The following PADI3 variants were observed in gnomAD, a reference collection of about 807,000 sequenced individuals.
PADI3 encodes the protein protein-arginine deiminase type-3.
PADI3 carries 53 observed loss-of-function variants against 71.5 expected under a neutral mutation model. The ratio of observed to expected loss-of-function variants is 0.74; its 90% confidence interval spans 0.59 to 0.93. The LOEUF (loss-of-function observed/expected upper bound fraction) is 0.93, where lower values mean the gene tolerates loss of function less well. Among genes scored for constraint, PADI3 ranks in the 40% least tolerant of loss-of-function variants. The pLI, the probability that PADI3 is intolerant of heterozygous loss-of-function variation, is 0.00. For missense variants in PADI3, 821 were observed against 868.0 expected, an observed-to-expected ratio of 0.95 and a Z score of 0.68; for synonymous variants, 361 against 347.5, an observed-to-expected ratio of 1.04 and a Z score of -0.43.
At chr1:17,262,084 G>T (rs768038339) in intron 2 of PADI3, 49 bp from the exon 3 acceptor site, 6 of 1,538,004 alleles carry the variant, frequency 3.9e-6, no homozygotes, top group Middle Eastern at 1.7e-4. Flanking sequence ...CTTTTGGGGC[G>T]GGAGCTCTTG....
chr1:17,256,762 C>T lies in PADI3; in HGVS notation c.93-2816C>T, dbSNP rs144311747. ...AAAAAGTGTACAGGCTTCAGCCAGGCGCGGTGGCTCGCGCCTGTAATCCCA... is the reference window on the plus strand; with the variant it reads ...AAAAAGTGTACAGGCTTCAGCCAGGTGCGGTGGCTCGCGCCTGTAATCCCA... On this transcript the variant is annotated intron_variant, in intron 1 of 15. Coordinates refer to ENST00000375460, the MANE Select transcript of PADI3 (RefSeq NM_016233.2). Among the ~76,000 whole-genome samples the T allele has an allele frequency of 3.0e-3, 450 of 152,286 alleles. 3 individuals carry two copies. The highest frequency in any genetic ancestry group is 7.5e-3 in the South Asian group (36 of 4,826).
chr1:17,262,352 G>T (rs985323632), intron 3 of PADI3, 147 bp downstream of exon 3: 1 of 605,110 alleles, frequency 1.7e-6, no homozygotes, highest in Non-Finnish European at 2.8e-6. Context: ...CTAGAGATAC[G>T]CTGTGCTTAT....
chr1:17,259,438 C>G, intron 1 of PADI3, 140 bp from the exon 2 acceptor site: 1 of 672,158 alleles, frequency 1.5e-6, no homozygotes, highest in Non-Finnish European at 2.5e-6. Flanking sequence ...GCTTGACTCG[C>G]AGGAGCTTAC....
chr1:17,271,095 G>A lies in PADI3; in HGVS notation c.964G>A (p.Ala322Thr). 1 of 1,614,062 alleles carries A rather than the reference G, an allele frequency of 6.2e-7. No individual in the cohort carries two copies. Among genetic ancestry groups the A allele is most frequent in the East Asian group, 2.2e-5 (1 of 44,844 alleles). Residue 322 changes from alanine to threonine, a missense_variant, in exon 9 of 16, where the codon GCG (alanine) becomes ACG (threonine). Ala to Thr is a moderately conservative substitution (Grantham distance 58). Coordinates refer to ENST00000375460, the MANE Select transcript of PADI3 (RefSeq NM_016233.2). ...GAGGAACAACACGTGTTTTGTGGAT[G>A]CGGTGGCAGAGCTGGCCAGGAAGGC... ...RVRNNTCFVD[A>T]VAELARKAGC...
At position 17,276,646 on chromosome 1, in the gene PADI3, C is replaced by T. The variant is rs756988661; in HGVS notation, c.1435C>T (p.Pro479Ser). 13 of 1,614,024 alleles carry T rather than the reference C, an allele frequency of 8.1e-6. No homozygotes were observed. The East Asian group carries it at 2.7e-4, about 33-fold the overall frequency. Residue 479 changes from proline to serine, a missense_variant, in exon 12 of 16, where the codon CCT (proline) becomes TCT (serine). Physicochemically the swap from Pro to Ser is moderately conservative, Grantham distance 74. Coordinates refer to ENST00000375460, the MANE Select transcript of PADI3 (RefSeq NM_016233.2). ...TGTGGATGAGTTTCTGAGCTTTGTC[C>T]CTGCCCCCGATGGGAAGGTAAGAAC... ...GHVDEFLSFVPAPDGKGFRML... is the reference protein window; with the variant it reads ...GHVDEFLSFVSAPDGKGFRML...
intron 10 of PADI3, among the ~76,000 whole-genome samples, chr1:17,273,993 G>C (rs1557511122): frequency 2.0e-5 from 3 of 152,146 alleles, no homozygotes; most frequent in Non-Finnish European, 4.4e-5. Flanking sequence ...CTATTAGCTA[G>C]TATCATTATT....
rs928067016 is a variant in PADI3 at position 17,283,975 on chromosome 1, T to A, written c.*896T>A. 2.6e-5 allele frequency: 4 copies of A among 152,188 alleles called. No homozygotes were observed. The highest frequency in any genetic ancestry group is 4.8e-5 in the African/African-American group (2 of 41,418). 9.4% of individuals were successfully genotyped at this position (152,188 alleles called of 1,614,324 possible). On this transcript the variant is annotated 3_prime_UTR_variant, in exon 16 of 16. Coordinates refer to ENST00000375460, the MANE Select transcript of PADI3 (RefSeq NM_016233.2). ...TTCTCTCTGCAGGAGGAGAGAACGC[T>A]GCCTCTCCTCTGGATTGGTCTCAGG... is the stretch of plus-strand genomic sequence containing the variant.
At position 17,265,670 on chromosome 1, in the gene PADI3, G is replaced by C; in HGVS notation, c.358G>C (p.Asp120His). 1 of 1,614,160 alleles carries C rather than the reference G, an allele frequency of 6.2e-7. No individual in the cohort carries two copies. Among genetic ancestry groups the C allele is most frequent in the African/African-American group, 1.3e-5 (1 of 75,052 alleles). Residue 120 changes from aspartate to histidine, a missense_variant, in exon 4 of 16, where the codon GAT becomes CAT. Coordinates refer to ENST00000375460, the MANE Select transcript of PADI3 (RefSeq NM_016233.2). The stretch of plus-strand genomic sequence containing the variant: ...GCCTCCTCTTGCAGACATCTCTCTG[G>C]ATTGCGACCTGAACTGTGAGGGAAG... The part of the protein sequence containing the change: ...LYLTCVDISL[D>H]CDLNCEGRQD...
rs780921729 is a variant in PADI3 at position 17,271,178 on chromosome 1, G to A, written c.1047G>A (p.Gln349=). The change falls in exon 9 of 16, where the codon CAG becomes CAA. Residue 349 remains glutamine, a splice_region_variant and synonymous_variant. Transcript: ENST00000375460. ...AGAACCGCAACGACCGCTGGATCCAGGTAACCACAGCCACTGGGCAGGGCC... is the reference window on the plus strand; with the variant it reads ...AGAACCGCAACGACCGCTGGATCCAAGTAACCACAGCCACTGGGCAGGGCC... ...QAENRNDRWI[Q]DEMELGYVQA... 2 of 1,611,982 alleles carry A rather than the reference G, an allele frequency of 1.2e-6. No individual in the cohort carries two copies. Among genetic ancestry groups the A allele is most frequent in the Admixed American group, 3.3e-5 (2 of 60,010 alleles).
intron 1 of PADI3, among the ~76,000 whole-genome samples, chr1:17,254,704 A>T (rs1569876960): frequency 6.8e-6 from 1 of 147,676 alleles, no homozygotes; most frequent in African/African-American, 2.5e-5. Flanking sequence ...GGCTGGAGGG[A>T]CCAGGCTCCA....
At chr1:17,280,280 G>C (rs2073384192) in intron 13 of PADI3, 70 bp from the exon 14 acceptor site, 1 of 1,233,632 alleles carries the variant, frequency 8.1e-7, no homozygotes, top group African/African-American at 1.5e-5. Flanking sequence ...CTGCCTGTCT[G>C]CTTCCCTAAG....
At chr1:17,254,146 C>T (rs1377162606) in intron 1 of PADI3, among the ~76,000 whole-genome samples, 3 of 152,166 alleles carry the variant, frequency 2.0e-5, no homozygotes, top group South Asian at 2.1e-4. Context: ...ACCCAGATTA[C>T]AGTGGGACCA....
At position 17,259,805 on chromosome 1, in the gene PADI3, C is replaced by G. The variant is rs771301689; in HGVS notation, c.273+47C>G. 4.0e-6 allele frequency: 6 copies of G among 1,510,134 alleles called. No individual in the cohort carries two copies. In the East Asian group the frequency reaches 1.4e-4, roughly 35 times the overall value. The allele number at this position is 1,510,134 out of a possible 1,614,324, so 93.5% of individuals were successfully genotyped here. A position where few individuals can be genotyped will look rare whatever the true frequency, so the allele number is the denominator to read the frequency against. ...TGGGGAGAGGTTTCGAGGGAGGCAG[C>G]TGTCTAGCTCTAGGAGGGCCCAACA... is the stretch of plus-strand genomic sequence containing the variant. On this transcript the variant is annotated intron_variant, in intron 2 of 15. Coordinates refer to ENST00000375460, the MANE Select transcript of PADI3 (RefSeq NM_016233.2).
At position 17,266,771 on chromosome 1, in the gene PADI3, G is replaced by A. The variant is rs764273729; in HGVS notation, c.461G>A (p.Cys154Tyr). ...SGYGGILLVNCDRDDPSCDVQ... is the reference protein window; with the variant it reads ...SGYGGILLVNYDRDDPSCDVQ... ...TATGGCGGCATCTTGCTGGTGAACT[G>A]TGACCGTGATGATCCGAGCTGTGAT... The change falls in exon 5 of 16, where the codon TGT becomes TAT. Residue 154 changes from cysteine to tyrosine, a missense_variant. By Grantham distance (194) the Cys-to-Tyr change is radical. Transcript: ENST00000375460. 4 of 1,614,138 alleles carry A rather than the reference G, an allele frequency of 2.5e-6. No individual in the cohort carries two copies. Among genetic ancestry groups the A allele is most frequent in the East Asian group, 2.2e-5 (1 of 44,870 alleles).
chr1:17,271,193 T>C lies in PADI3; in HGVS notation c.1047+15T>C. Reference sequence around the variant, plus strand: ...GCTGGATCCAGGTAACCACAGCCACTGGGCAGGGCCCAGCAAGGACGCCAT... The same window carrying C: ...GCTGGATCCAGGTAACCACAGCCACCGGGCAGGGCCCAGCAAGGACGCCAT... On this transcript the variant is annotated intron_variant, in intron 9 of 15. Coordinates refer to ENST00000375460, the MANE Select transcript of PADI3 (RefSeq NM_016233.2). The C allele has an allele frequency of 6.2e-7, 1 of 1,606,400 alleles. No individual in the cohort carries two copies. The highest frequency in any genetic ancestry group is 1.1e-5 in the South Asian group (1 of 90,810).
intron 15 of PADI3, among the ~76,000 whole-genome samples, chr1:17,282,113 C>G (rs1288339144): frequency 2.0e-5 from 3 of 152,196 alleles, no homozygotes; most frequent in Non-Finnish European, 4.4e-5. Context: ...CCCCTTCCTT[C>G]CTGTTCGAGG....
rs1338360878 is a variant in PADI3, at chr1:17,271,854, AAGAG to A, written c.1047+692_1047+695del. ...ACAACAACAAAAAAAAAAAAAAAAA[AAGAG>A]AGAGAGAGAGAGAGAAAAAGAAATA... On this transcript the variant is annotated intron_variant, in intron 9 of 15. Transcript: ENST00000375460. Among the ~76,000 whole-genome samples the A allele has an allele frequency of 1.3e-3, 175 of 132,350 alleles. 3 individuals are homozygous for A. The highest frequency in any genetic ancestry group is 1.8e-3 in the Non-Finnish European group (117 of 65,120). 86.8% of individuals were successfully genotyped at this position (132,350 alleles called of 152,430 possible). A position where few individuals can be genotyped will look rare whatever the true frequency, so the allele number is the denominator to read the frequency against.
intron 6 of PADI3, among the ~76,000 whole-genome samples, chr1:17,268,726 C>G (rs2073205249): frequency 6.6e-6 from 1 of 151,774 alleles, no homozygotes; most frequent in Admixed American, 6.6e-5. Flanking sequence ...CCAGGATGGT[C>G]TCAATCTCCT....
At chr1:17,277,794 G>C (rs1002248810) in intron 13 of PADI3, 1 of 154,528 alleles carries the variant, frequency 6.5e-6, no homozygotes, top group African/African-American at 2.4e-5. Flanking sequence ...TGCCCTGCAA[G>C]GGCATTTGGT....
Sources: allele counts gnomAD v4.1 joint callset (sites outside exome capture counted in the v4.1 genomes callset), GRCh38; gene constraint gnomAD v4.1.1; transcripts MANE v1.5; gene names NCBI Gene and HGNC (gene_info 2026-07-23, HGNC 2026-07-21).